Variants in SLC9A1 observed in about 807,000 individuals in gnomAD.
The protein encoded by SLC9A1 is solute carrier family 9 member A1.
In SLC9A1, 22 loss-of-function variants were observed where a neutral mutation model predicts 67.9. That is an observed-to-expected ratio of 0.32 (90% CI 0.23 to 0.46). The LOEUF (loss-of-function observed/expected upper bound fraction) is 0.46. SLC9A1 is among the 20% of genes least tolerant of loss of function. SLC9A1 has a pLI of 1.00. For missense variants in SLC9A1, 686 were observed against 1,094.8 expected (o/e 0.63, Z 5.27); for synonymous variants, 421 against 471.8 (o/e 0.89, Z 1.40).
In SLC9A1 at chr1:27,117,829, G is replaced by A. The variant is rs377490943; in HGVS notation, c.353-3543C>T. ...GTGTCTCAAACCGGTAGCAGAGAGCGCTAATTAATTCTTTAGTCAAAGCTC... is the reference window on the plus strand; with the variant it reads ...GTGTCTCAAACCGGTAGCAGAGAGCACTAATTAATTCTTTAGTCAAAGCTC... On this transcript the variant is annotated intron_variant, in intron 1 of 11. Coordinates refer to ENST00000263980, the MANE Select transcript of SLC9A1 (RefSeq NM_003047.5). 3.4e-4 allele frequency among the ~76,000 whole-genome samples: 52 copies of A among 152,296 alleles called. 1 individual carries two copies. The South Asian group carries it at 1.0e-2, about 29-fold the overall frequency.
At position 27,105,713 on chromosome 1, in the gene SLC9A1, T is replaced by G. The variant is rs74650982; in HGVS notation, c.1485+172A>C. The G allele has an allele frequency of 7.4e-3, 5,365 of 720,632 alleles. 187 individuals are homozygous for G. In the African/African-American group the frequency reaches 0.079, roughly 11 times the overall value. The allele number at this position is 720,632 out of a possible 1,614,324, so 44.6% of individuals were successfully genotyped here. A position where few individuals can be genotyped will look rare whatever the true frequency, so the allele number is the denominator to read the frequency against. On this transcript the variant is annotated intron_variant, in intron 5 of 11. Transcript: ENST00000263980. ...ACTCATCACAATTCTCACTTTACGA[T>G]TGAAGAAACTGAGGCCCAGAAAGGG...
Position 27,114,765 on chromosome 1 carries a change from A to G in SLC9A1, c.353-479T>C, listed in dbSNP as rs2083254300. Among the ~76,000 whole-genome samples the G allele has an allele frequency of 6.6e-6, 1 of 152,304 alleles. No homozygotes were observed. Among genetic ancestry groups the G allele is most frequent in the African/African-American group, 2.4e-5 (1 of 41,560 alleles). On this transcript the variant is annotated intron_variant, in intron 1 of 11. Coordinates refer to ENST00000263980, the MANE Select transcript of SLC9A1 (RefSeq NM_003047.5). The surrounding 1 kb of genome is among the most constrained non-coding windows in gnomAD (Gnocchi z 5.4). ...GTCTGAGGGAAGATGGTAGTTCCCTATCACGGAGCTGTTTAAGCAGAAGGC... is the reference window on the plus strand; with the variant it reads ...GTCTGAGGGAAGATGGTAGTTCCCTGTCACGGAGCTGTTTAAGCAGAAGGC...
rs377034595 is a variant in SLC9A1 at position 27,110,641 on chromosome 1, C to T, written c.814-864G>A. Among the ~76,000 whole-genome samples, 11 of 152,336 alleles carry T rather than the reference C, an allele frequency of 7.2e-5. No individual in the cohort carries two copies. In the South Asian group the frequency reaches 2.3e-3, roughly 32 times the overall value. On this transcript the variant is annotated intron_variant, in intron 2 of 11. Transcript: ENST00000263980. ...GCGAGGCAGGTGGGTCAAGGATGCT[C>T]CTTTGCTAAACCGAGGCTCACAGTG...
intron 1 of SLC9A1, among the ~76,000 whole-genome samples, chr1:27,144,689 C>G (rs531232246): frequency 2.0e-5 from 3 of 152,202 alleles, no homozygotes; most frequent in East Asian, 1.9e-4. Context: ...ATTTATGGAG[C>G]CTTTACTCTG....
At chr1:27,119,258 G>A (rs1356910546) in intron 1 of SLC9A1, among the ~76,000 whole-genome samples, 2 of 152,122 alleles carry the variant, frequency 1.3e-5, no homozygotes, top group Admixed American at 6.5e-5. Context: ...GGGTTGCCAG[G>A]GTGACCAGAC....
intron 1 of SLC9A1, among the ~76,000 whole-genome samples, chr1:27,136,353 A>G (rs1310276487): frequency 6.6e-6 from 1 of 152,090 alleles, no homozygotes; most frequent in Admixed American, 6.6e-5. Context: ...CCCAGTGCAC[A>G]CTCACCACTC....
At chr1:27,151,994 A>T (rs2083531579) in intron 1 of SLC9A1, among the ~76,000 whole-genome samples, 1 of 152,198 alleles carries the variant, frequency 6.6e-6, no homozygotes, top group Admixed American at 6.5e-5. Flanking sequence ...CAGTGGAATG[A>T]CAGAAATATC....
intron 1 of SLC9A1, among the ~76,000 whole-genome samples, chr1:27,120,143 T>C (rs536842829): frequency 1.3e-5 from 2 of 151,732 alleles, no homozygotes; most frequent in East Asian, 3.9e-4. Context: ...TTTTGTTTTG[T>C]TTTGTTTTGG....
chr1:27,131,899 C>T (rs2083386881), intron 1 of SLC9A1, among the ~76,000 whole-genome samples: 1 of 125,674 alleles, frequency 8.0e-6, no homozygotes, highest in Non-Finnish European at 1.6e-5. Flanking sequence ...CTAGCCTGGG[C>T]AATAGAGGGA....
intron 1 of SLC9A1, among the ~76,000 whole-genome samples, chr1:27,147,605 C>G (rs1345767415): frequency 6.6e-6 from 1 of 152,032 alleles, no homozygotes; most frequent in East Asian, 1.9e-4. Flanking sequence ...GGATTCAAAA[C>G]CAGCCTGGAC....
Position 27,102,693 on chromosome 1 carries a change from A to G in SLC9A1, c.1626T>C (p.Gly542=). The G allele has an allele frequency of 6.2e-7, 1 of 1,613,778 alleles. No homozygotes were observed. The part of the protein sequence containing the change: ...TGIEDICGHY[G]HHHWKDKLNR... Reference sequence around the variant, plus strand: ...CCTACTTGTCCTTCCAGTGGTGGTGACCGTAGTGGCCACAGATGTCTTCGA... The same window carrying G: ...CCTACTTGTCCTTCCAGTGGTGGTGGCCGTAGTGGCCACAGATGTCTTCGA... The change falls in exon 7 of 12, where the codon GGT becomes GGC. Residue 542 remains glycine (G), a synonymous_variant. Coordinates refer to ENST00000263980, the MANE Select transcript of SLC9A1 (RefSeq NM_003047.5).
chr1:27,128,422 G>A (rs569312845), intron 1 of SLC9A1, among the ~76,000 whole-genome samples: 33 of 152,212 alleles, frequency 2.2e-4, no homozygotes, highest in African/African-American at 5.5e-4. Flanking sequence ...GGGGGAGGCC[G>A]AGGCGAGAGG....
In SLC9A1 at chr1:27,109,898, G is replaced by T. The variant is rs903033813; in HGVS notation, c.814-121C>A. On this transcript the variant is annotated intron_variant, in intron 2 of 11. Coordinates refer to ENST00000263980, the MANE Select transcript of SLC9A1 (RefSeq NM_003047.5). The surrounding 1 kb of genome is among the most constrained non-coding windows in gnomAD (Gnocchi z 5.5). ...CCATGGCCACAAGAAGAGGCCACAC[G>T]GTAGCAGAGAAACCCTAGTGCCAAG... 2 of 1,161,372 alleles carry T rather than the reference G, an allele frequency of 1.7e-6. No homozygotes were observed. Among genetic ancestry groups the T allele is most frequent in the African/African-American group, 3.1e-5 (2 of 64,882 alleles). The allele number at this position is 1,161,372 out of a possible 1,614,324, so 71.9% of individuals were successfully genotyped here.
At chr1:27,135,358 T>A (rs1472012835) in intron 1 of SLC9A1, among the ~76,000 whole-genome samples, 1 of 152,128 alleles carries the variant, frequency 6.6e-6, no homozygotes, top group African/African-American at 2.4e-5. Context: ...CAGATTAACA[T>A]TTTTTATGAA....
intron 1 of SLC9A1, among the ~76,000 whole-genome samples, chr1:27,144,372 GACCCCACCCGGCCCAGAGAA>G (rs1167771477): frequency 6.6e-6 from 1 of 152,162 alleles, no homozygotes; most frequent in Non-Finnish European, 1.5e-5. Flanking sequence ...TTCCCAGAGA[GACCCCACCCGGCCCAGAGAA>G]GATGCCCTTG....
intron 1 of SLC9A1, among the ~76,000 whole-genome samples, chr1:27,140,901 T>C (rs1342836937): frequency 6.6e-6 from 1 of 152,132 alleles, no homozygotes; most frequent in Non-Finnish European, 1.5e-5. Context: ...TCAGGCTATA[T>C]GACACCAGGC....
intron 1 of SLC9A1, among the ~76,000 whole-genome samples, chr1:27,133,568 G>A (rs1377676734): frequency 1.3e-5 from 2 of 152,100 alleles, no homozygotes; most frequent in African/African-American, 4.8e-5. Context: ...AGTGAGCCTG[G>A]TGGGAGCAGG....
chr1:27,122,609 C>G (rs1427021547), intron 1 of SLC9A1, among the ~76,000 whole-genome samples: 1 of 152,166 alleles, frequency 6.6e-6, no homozygotes, highest in African/African-American at 2.4e-5. Context: ...ATGCCCCATC[C>G]TAGCCTGCAG....
chr1:27,102,322 T>A (rs1298284204), intron 8 of SLC9A1, 63 bp downstream of exon 8: 9 of 1,535,746 alleles, frequency 5.9e-6, no homozygotes, highest in African/African-American at 1.4e-5. Context: ...GGTGGCCACC[T>A]CCAACCGGGC....
Sources: gnomAD v4.1 joint callset for allele counts (sites outside exome capture counted in the v4.1 genomes callset) on GRCh38, gnomAD v4.1.1 for gene constraint, Gnocchi (gnomAD v3.1) non-coding constraint, MANE v1.5 for transcripts, NCBI Gene and HGNC (gene_info 2026-07-23, HGNC 2026-07-21) for gene names.